BBX: variants seen among roughly 807,000 people sequenced by gnomAD.
The protein encoded by BBX is BBX high mobility group box domain containing.
Under a neutral mutation model 100.2 loss-of-function variants are expected in BBX, and 30 were observed. The ratio of observed to expected loss-of-function variants is 0.30; its 90% confidence interval spans 0.22 to 0.41. BBX has a LOEUF of 0.41. Among genes scored for constraint, BBX ranks in the 10% least tolerant of loss-of-function variants. The probability of loss-of-function intolerance (pLI) is 1.00; values close to 1 mark genes in which losing one functional copy is unlikely to be tolerated. For synonymous variants in BBX, 376 were observed against 388.1 expected (o/e 0.97, Z 0.37); for missense variants, 1,023 against 1,129.8 (o/e 0.91, Z 1.35).
chr3:107,696,986 G>C (rs1002282740), intron 3 of BBX, among the ~76,000 whole-genome samples: 2 of 151,516 alleles, frequency 1.3e-5, no homozygotes, highest in South Asian at 2.1e-4. Context: ...CCATTTGATC[G>C]CATCAGCTCC....
intron 2 of BBX, among the ~76,000 whole-genome samples, chr3:107,611,482 A>G (rs989737446): frequency 2.6e-5 from 4 of 152,106 alleles, no homozygotes; most frequent in African/African-American, 9.7e-5. Flanking sequence ...TTTATGATTG[A>G]AGGATTATTT....
chr3:107,805,328 C>T (rs2070979566), intron 17 of BBX, 42 bp from the exon 18 acceptor site: 4 of 1,577,584 alleles, frequency 2.5e-6, no homozygotes, highest in African/African-American at 2.7e-5. Context: ...TCTCTAATAA[C>T]ATATGCTGAA....
intron 2 of BBX, among the ~76,000 whole-genome samples, chr3:107,592,930 T>G (rs945408987): frequency 6.6e-6 from 1 of 152,232 alleles, no homozygotes; most frequent in Non-Finnish European, 1.5e-5. Flanking sequence ...TACTTGATCT[T>G]TCTATACAGA....
In BBX at chr3:107,610,504, A is replaced by G. The variant is rs748213519; in HGVS notation, c.-83-35332A>G. On this transcript the variant is annotated intron_variant, in intron 2 of 17. Coordinates refer to ENST00000325805, the MANE Select transcript of BBX (RefSeq NM_001142568.3). ...TTCTCTTTAGCTCTAATAATATTTT[A>G]TTTATGTATCTGGGTGTTCCAGTGT... Among the ~76,000 whole-genome samples the G allele has an allele frequency of 4.5e-4, 69 of 151,904 alleles. 1 individual carries two copies. The highest frequency in any genetic ancestry group is 1.3e-3 in the South Asian group (6 of 4,798).
At chr3:107,576,858 T>C (rs1046215693) in intron 2 of BBX, among the ~76,000 whole-genome samples, 23 of 152,042 alleles carry the variant, frequency 1.5e-4, no homozygotes, top group Non-Finnish European at 3.2e-4. Flanking sequence ...AAGATATTTA[T>C]TTATTTATTT....
intron 5 of BBX, among the ~76,000 whole-genome samples, 176 bp from the exon 6 acceptor site, chr3:107,728,589 T>C (rs997378766): frequency 6.6e-6 from 1 of 152,212 alleles, no homozygotes; most frequent in Non-Finnish European, 1.5e-5. Flanking sequence ...GATAACTCCA[T>C]GTCCTATCTC....
chr3:107,558,751 A>G (rs1039160568), intron 2 of BBX, among the ~76,000 whole-genome samples: 19 of 152,196 alleles, frequency 1.2e-4, no homozygotes, highest in African/African-American at 4.3e-4. Flanking sequence ...AAAGTTCCAC[A>G]GCTAGTAGTG....
chr3:107,554,023 G>A (rs2049897467), intron 2 of BBX, among the ~76,000 whole-genome samples: 1 of 152,100 alleles, frequency 6.6e-6, no homozygotes, highest in Non-Finnish European at 1.5e-5. Flanking sequence ...GAAACTGAGA[G>A]TGGGATCCAA....
chr3:107,625,979 A>G (rs1196577662), intron 2 of BBX, among the ~76,000 whole-genome samples: 1 of 152,150 alleles, frequency 6.6e-6, no homozygotes, highest in Non-Finnish European at 1.5e-5. Flanking sequence ...CTTGAGTTAC[A>G]AAGACAAGTT....
At chr3:107,578,858 T>C (rs2052033488) in intron 2 of BBX, among the ~76,000 whole-genome samples, 1 of 152,158 alleles carries the variant, frequency 6.6e-6, no homozygotes, top group Admixed American at 6.5e-5. Context: ...ACCTGTCAAA[T>C]GCAAGAGTAG....
intron 8 of BBX, among the ~76,000 whole-genome samples, chr3:107,746,982 C>A (rs2064667186): frequency 6.6e-6 from 1 of 152,094 alleles, no homozygotes; most frequent in South Asian, 2.1e-4. Context: ...TTATGATGCC[C>A]AGGCTTTCTG....
intron 7 of BBX, among the ~76,000 whole-genome samples, chr3:107,736,808 G>A (rs948164355): frequency 1.3e-5 from 2 of 152,078 alleles, no homozygotes; most frequent in Admixed American, 6.6e-5. Context: ...AGTGAGCAAC[G>A]TAAATTCATC....
intron 2 of BBX, among the ~76,000 whole-genome samples, chr3:107,597,585 G>C (rs1488024694): frequency 7.2e-5 from 11 of 152,154 alleles, no homozygotes; most frequent in Admixed American, 4.6e-4. Context: ...CTGGAATTTT[G>C]TTTACATAAG....
chr3:107,544,325 T>C (rs1051967181), intron 2 of BBX, among the ~76,000 whole-genome samples: 3 of 152,340 alleles, frequency 2.0e-5, no homozygotes, highest in South Asian at 2.1e-4. Flanking sequence ...ACACAACACT[T>C]TACTGCATTT....
intron 14 of BBX, among the ~76,000 whole-genome samples, 164 bp from the exon 15 acceptor site, chr3:107,791,076 T>C (rs929320753): frequency 4.6e-5 from 7 of 152,222 alleles, no homozygotes; most frequent in Non-Finnish European, 1.0e-4. Context: ...CTCATTATTT[T>C]AGTTGGCAAA....
intron 2 of BBX, among the ~76,000 whole-genome samples, chr3:107,545,660 C>T (rs1014573459): frequency 6.6e-6 from 1 of 152,136 alleles, no homozygotes. Flanking sequence ...ATTTTCTTAA[C>T]AAGAGCAATA....
At chr3:107,794,242 C>T (rs544020413) in intron 15 of BBX, among the ~76,000 whole-genome samples, 31 of 151,902 alleles carry the variant, frequency 2.0e-4, no homozygotes, top group Non-Finnish European at 3.4e-4. Context: ...TAACAGCATT[C>T]CCAGTGAATT....
chr3:107,698,094 A>G (rs976094262), intron 3 of BBX, among the ~76,000 whole-genome samples: 2 of 151,562 alleles, frequency 1.3e-5, no homozygotes, highest in African/African-American at 4.9e-5. Flanking sequence ...GCGCCCACTG[A>G]ATGGCACTCC....
intron 3 of BBX, among the ~76,000 whole-genome samples, chr3:107,660,131 CTG>C (rs2107851161): frequency 6.6e-6 from 1 of 152,086 alleles, no homozygotes; most frequent in African/African-American, 2.4e-5. Context: ...AATTGTTCAT[CTG>C]TGTGTGATAT....
Sources: allele counts gnomAD v4.1 joint callset (sites outside exome capture counted in the v4.1 genomes callset), GRCh38; gene constraint gnomAD v4.1.1; transcripts MANE v1.5; gene names NCBI Gene and HGNC (gene_info 2026-07-23, HGNC 2026-07-21).